NAALADL2: variants seen among roughly 807,000 people sequenced by gnomAD.
NAALADL2 encodes N-acetylated alpha-linked acidic dipeptidase like 2.
NAALADL2 carries 76 observed loss-of-function variants against 87.2 expected under a neutral mutation model. The ratio of observed to expected loss-of-function variants is 0.87; its 90% CI spans 0.72 to 1.05. The LOEUF (loss-of-function observed/expected upper bound fraction) is 1.05, where lower values mean the gene tolerates loss of function less well. Ranked by LOEUF, NAALADL2 falls within the 50% of genes least tolerant of loss-of-function variation. NAALADL2 has a pLI of 0.00. For synonymous variants in NAALADL2, 354 were observed against 331.0 expected (o/e 1.07, Z -0.75); for missense variants, 1,089 against 945.8 (o/e 1.15, Z -1.99).
chr3:174,577,700 G>C (rs1424536093), intron 2 of NAALADL2, among the ~76,000 whole-genome samples: 1 of 151,996 alleles, frequency 6.6e-6, no homozygotes, highest in Admixed American at 6.6e-5. Context: ...CAGAGTTTTT[G>C]CCAGGTATCC....
At chr3:175,557,562 T>C (rs1243416072) in intron 9 of NAALADL2, among the ~76,000 whole-genome samples, 1 of 152,180 alleles carries the variant, frequency 6.6e-6, no homozygotes, top group Non-Finnish European at 1.5e-5. Flanking sequence ...CAACTACCGT[T>C]CCCAGCCTCT....
intron 1 of NAALADL2, among the ~76,000 whole-genome samples, chr3:174,960,275 A>G (rs1741784688): frequency 1.3e-5 from 2 of 152,086 alleles, no homozygotes; most frequent in Admixed American, 6.6e-5. Context: ...TTTTAGCTCT[A>G]TTATTGGGTA....
upstream of NAALADL2, among the ~76,000 whole-genome samples, chr3:174,855,601 T>C (rs976265355): frequency 3.3e-5 from 5 of 152,096 alleles, no homozygotes; most frequent in African/African-American, 1.2e-4. Flanking sequence ...TTTGCTAATC[T>C]ATGTCTTTGT....
intron 5 of NAALADL2, among the ~76,000 whole-genome samples, chr3:175,435,241 G>A (rs867634374): frequency 3.9e-5 from 6 of 151,934 alleles, no homozygotes; most frequent in African/African-American, 1.4e-4. Context: ...GTTACAAAAT[G>A]TCTTTAAAGA....
At chr3:175,216,673 T>TC (rs1030978002) in intron 2 of NAALADL2, among the ~76,000 whole-genome samples, 2 of 143,272 alleles carry the variant, frequency 1.4e-5, no homozygotes, top group African/African-American at 5.3e-5. Flanking sequence ...CTTTTCTTTT[T>TC]TTTTTTTTTT....
chr3:174,447,315 G>A (rs1332927896), intron 1 of NAALADL2, among the ~76,000 whole-genome samples: 1 of 152,090 alleles, frequency 6.6e-6, no homozygotes, highest in Non-Finnish European at 1.5e-5. Context: ...TAACACTTAG[G>A]AGCTGGAAAA....
At chr3:175,654,048 G>A (rs555268116) in intron 11 of NAALADL2, among the ~76,000 whole-genome samples, 22 of 152,276 alleles carry the variant, frequency 1.4e-4, no homozygotes, top group Admixed American at 4.6e-4. Flanking sequence ...GCTGATTGTT[G>A]TACAATCAAA....
intron 4 of NAALADL2, among the ~76,000 whole-genome samples, chr3:175,322,935 C>T (rs1215353027): frequency 6.6e-6 from 1 of 151,686 alleles, no homozygotes; most frequent in Non-Finnish European, 1.5e-5. Context: ...TGTGGCGATT[C>T]CTCGGGGATC....
At chr3:175,429,666 A>G (rs532518933) in intron 5 of NAALADL2, among the ~76,000 whole-genome samples, 1 of 152,078 alleles carries the variant, frequency 6.6e-6, no homozygotes, top group African/African-American at 2.4e-5. Flanking sequence ...ATGTACATGC[A>G]ACAAAATTCA....
chr3:175,196,325 C>T (rs913509132), intron 2 of NAALADL2, among the ~76,000 whole-genome samples: 1 of 151,878 alleles, frequency 6.6e-6, no homozygotes, highest in Non-Finnish European at 1.5e-5. Flanking sequence ...CTGTTCCTTA[C>T]TAGTAAATGT....
intron 1 of NAALADL2, among the ~76,000 whole-genome samples, chr3:175,019,111 AT>A (rs1751229360): frequency 6.6e-6 from 1 of 151,970 alleles, no homozygotes; most frequent in South Asian, 2.1e-4. Context: ...GCTGACTGGC[AT>A]TTATTTTGTG....
chr3:175,155,064 C>T (rs546045960), intron 2 of NAALADL2, among the ~76,000 whole-genome samples: 1 of 152,222 alleles, frequency 6.6e-6, no homozygotes, highest in South Asian at 2.1e-4. Context: ...ATTCGTATGA[C>T]CTTGAGGGTT....
intron 4 of NAALADL2, among the ~76,000 whole-genome samples, chr3:175,258,998 T>C (rs2862004): frequency 0.1 from 15,400 of 152,092 alleles, 2,014 homozygotes; most frequent in African/African-American, 0.31. Flanking sequence ...CTTGTAATGG[T>C]GACTCATTAG....
At chr3:175,217,988 A>G in intron 2 of NAALADL2, 1 of 319,050 alleles carries the variant, frequency 3.1e-6, no homozygotes, top group Non-Finnish European at 6.3e-6. Context: ...TGTCTGTGCT[A>G]ATTTAGCTGT....
At chr3:174,645,244 C>G (rs1307406300) in intron 2 of NAALADL2, among the ~76,000 whole-genome samples, 2 of 152,190 alleles carry the variant, frequency 1.3e-5, no homozygotes, top group African/African-American at 2.4e-5. Context: ...ACATCTCAGT[C>G]TCTTGGTGTC....
chr3:174,890,638 T>A (rs879362656), intron 1 of NAALADL2, among the ~76,000 whole-genome samples: 8 of 152,148 alleles, frequency 5.3e-5, no homozygotes, highest in Non-Finnish European at 1.0e-4. Context: ...AAAAACTAAC[T>A]TGCCTGAGAA....
rs118158822 is a variant in NAALADL2, at chr3:175,231,303, A to G, written c.546-2628A>G. Among the ~76,000 whole-genome samples, 613 of 152,076 alleles carry G rather than the reference A, an allele frequency of 4.0e-3. 9 individuals are homozygous for G. Among genetic ancestry groups the G allele is most frequent in the East Asian group, 0.034 (178 of 5,182 alleles). On this transcript the variant is annotated intron_variant, in intron 2 of 13. Coordinates refer to ENST00000454872, the MANE Select transcript of NAALADL2 (RefSeq NM_207015.3). ...AATATTAGAGATCTTCTTCTTCATA[A>G]CCTGGGTGGTTCCTTTCACTACTCT... is the stretch of plus-strand genomic sequence containing the variant.
At chr3:175,510,802 C>T (rs1308153558) in intron 9 of NAALADL2, among the ~76,000 whole-genome samples, 1 of 152,146 alleles carries the variant, frequency 6.6e-6, no homozygotes, top group Non-Finnish European at 1.5e-5. Flanking sequence ...AGGTCTCCCA[C>T]TTAGTAACCC....
rs114639062 is a variant in NAALADL2 at position 175,120,212 on chromosome 3, A to G, written c.545+22921A>G. On this transcript the variant is annotated intron_variant, in intron 2 of 13. Transcript: ENST00000454872. Reference sequence around the variant, plus strand: ...ATAATACTTGTGTTTCATCTTTTCCATGTAGACATTTTACAACCATGCTCT... The same window carrying G: ...ATAATACTTGTGTTTCATCTTTTCCGTGTAGACATTTTACAACCATGCTCT... Among the ~76,000 whole-genome samples the G allele has an allele frequency of 4.8e-3, 723 of 151,836 alleles. 9 individuals carry two copies. The highest frequency in any genetic ancestry group is 0.017 in the African/African-American group (695 of 41,476).
Sources: gnomAD v4.1 joint callset for allele counts (sites outside exome capture counted in the v4.1 genomes callset) on GRCh38, gnomAD v4.1.1 for gene constraint, MANE v1.5 for transcripts, NCBI Gene and HGNC (gene_info 2026-07-23, HGNC 2026-07-21) for gene names.